The following LRRC4C variants were observed in gnomAD, a reference collection of about 807,000 sequenced individuals.
LRRC4C encodes leucine-rich repeat-containing protein 4C.
LRRC4C carries 5 observed loss-of-function variants against 33.6 expected under a neutral mutation model. The observed-to-expected ratio is 0.15, with a 90% CI of 0.08 to 0.31. The LOEUF (loss-of-function observed/expected upper bound fraction) is 0.31. LRRC4C is among the 10% of genes least tolerant of loss of function. The pLI, the probability that LRRC4C is intolerant of heterozygous loss-of-function variation, is 1.00. For missense variants in LRRC4C, 560 were observed against 796.7 expected (o/e 0.70, Z 3.58); for synonymous variants, 329 against 302.0 (o/e 1.09, Z -0.93).
intron 1 of LRRC4C, among the ~76,000 whole-genome samples, chr11:41,314,474 G>A (rs943731138): frequency 6.6e-6 from 1 of 152,124 alleles, no homozygotes; most frequent in Admixed American, 6.6e-5. Context: ...TAATAATAAT[G>A]CTTTTTGGTA....
intron 2 of LRRC4C, among the ~76,000 whole-genome samples, chr11:40,700,187 A>G (rs1312213136): frequency 6.6e-6 from 1 of 152,126 alleles, no homozygotes; most frequent in Non-Finnish European, 1.5e-5. Context: ...ATTAATCCTC[A>G]AGGAATCCCT....
intron 6 of LRRC4C, among the ~76,000 whole-genome samples, chr11:40,139,939 G>C (rs1857249593): frequency 6.6e-6 from 1 of 152,074 alleles, no homozygotes; most frequent in Non-Finnish European, 1.5e-5. Context: ...GTATTAATTT[G>C]GCTGCAGGAA....
intron 2 of LRRC4C, among the ~76,000 whole-genome samples, chr11:40,872,427 A>G (rs1954697661): frequency 6.6e-6 from 1 of 152,046 alleles, no homozygotes; most frequent in Non-Finnish European, 1.5e-5. Context: ...AAAATAATTC[A>G]CTTATGGCAA....
chr11:40,709,069 C>T (rs921823331), intron 2 of LRRC4C, among the ~76,000 whole-genome samples: 6 of 152,046 alleles, frequency 3.9e-5, no homozygotes, highest in African/African-American at 1.4e-4. Context: ...AGATTTTACT[C>T]TATCCCTTTA....
At chr11:40,912,851 G>A (rs1395664332) in intron 2 of LRRC4C, among the ~76,000 whole-genome samples, 1 of 152,056 alleles carries the variant, frequency 6.6e-6, no homozygotes, top group East Asian at 1.9e-4. Flanking sequence ...GATGGAGGAA[G>A]ATCTACCAAG....
chr11:41,209,898 G>A (rs183834559), intron 1 of LRRC4C, among the ~76,000 whole-genome samples: 79 of 152,234 alleles, frequency 5.2e-4, no homozygotes, highest in Middle Eastern at 3.4e-3. Context: ...AAGGTTAAAA[G>A]TTGTCTTAAG....
At position 40,287,252 on chromosome 11, in the gene LRRC4C, C is replaced by CTGTGTGTG. The variant is rs1466533399; in HGVS notation, c.-176+32375_-176+32376insCACACACA. ...AACATAAGGAAGCAACTTAATGTCA[C>CTGTGTGTG]TGTATGTGTGTGTGTGTGTGTGTGT... is the stretch of plus-strand genomic sequence containing the variant. On this transcript the variant is annotated intron_variant, in intron 4 of 6. Coordinates refer to ENST00000528697, the MANE Select transcript of LRRC4C (RefSeq NM_001258419.2). Among the ~76,000 whole-genome samples the CTGTGTGTG allele has an allele frequency of 2.9e-5, 3 of 103,532 alleles. No individual in the cohort carries two copies. The South Asian group carries it at 1.1e-3, about 40-fold the overall frequency. 67.9% of individuals were successfully genotyped at this position (103,532 alleles called of 152,430 possible). A position where few individuals can be genotyped will look rare whatever the true frequency, so the allele number is the denominator to read the frequency against.
At chr11:41,082,427 C>CT (rs537908452) in intron 1 of LRRC4C, among the ~76,000 whole-genome samples, 2,034 of 114,884 alleles carry the variant, frequency 0.018, 54 homozygotes, top group African/African-American at 0.045. Context: ...AAATCTCACG[C>CT]TTTTTTTTTT....
intron 3 of LRRC4C, among the ~76,000 whole-genome samples, chr11:40,622,823 G>A (rs574704255): frequency 1.1e-4 from 17 of 151,824 alleles, no homozygotes; most frequent in African/African-American, 3.9e-4. Flanking sequence ...AATGTGCTTA[G>A]CATAGTACAT....
intron 1 of LRRC4C, among the ~76,000 whole-genome samples, chr11:41,439,961 G>C (rs1955560906): frequency 6.6e-6 from 1 of 152,166 alleles, no homozygotes; most frequent in African/African-American, 2.4e-5. Context: ...TGTTTACTCT[G>C]TTATTTCTTT....
intron 4 of LRRC4C, chr11:40,293,602 G>GA (rs569065086): frequency 6.7e-6 from 1 of 148,438 alleles, no homozygotes; most frequent in Non-Finnish European, 1.5e-5. Context: ...AAACACACAC[G>GA]AAAAAAGAAA....
At chr11:40,257,558 T>C (rs1867310849) in intron 4 of LRRC4C, among the ~76,000 whole-genome samples, 1 of 152,196 alleles carries the variant, frequency 6.6e-6, no homozygotes, top group Non-Finnish European at 1.5e-5. Flanking sequence ...AGAGTCATCT[T>C]GACTCGCCTA....
chr11:40,573,598 AT>A (rs1958067593), intron 3 of LRRC4C, among the ~76,000 whole-genome samples: 1 of 152,140 alleles, frequency 6.6e-6, no homozygotes, highest in Non-Finnish European at 1.5e-5. Flanking sequence ...CCCTCTTCTG[AT>A]TTCCTAAAAC....
intron 1 of LRRC4C, among the ~76,000 whole-genome samples, chr11:41,281,045 TCTC>T (rs1949648934): frequency 2.5e-5 from 3 of 119,290 alleles, no homozygotes; most frequent in African/African-American, 1.1e-4. Flanking sequence ...ACATATTTTC[TCTC>T]TCTCTCTCTC....
intron 1 of LRRC4C, among the ~76,000 whole-genome samples, chr11:41,094,510 C>A (rs568492220): frequency 6.6e-6 from 1 of 152,042 alleles, no homozygotes; most frequent in East Asian, 1.9e-4. Context: ...GACAACACAG[C>A]GAGACTCTGT....
intron 2 of LRRC4C, among the ~76,000 whole-genome samples, chr11:40,818,443 T>C (rs942902591): frequency 2.0e-5 from 3 of 152,144 alleles, no homozygotes; most frequent in African/African-American, 7.2e-5. Flanking sequence ...AAATAAGCTC[T>C]GGTTTATAAA....
chr11:40,239,355 CCTCGT>C (rs1752912169), intron 5 of LRRC4C, among the ~76,000 whole-genome samples: 1 of 152,070 alleles, frequency 6.6e-6, no homozygotes, highest in Non-Finnish European at 1.5e-5. Context: ...CCTCAGAGTG[CCTCGT>C]CCACTACTTT....
intron 1 of LRRC4C, among the ~76,000 whole-genome samples, chr11:41,145,461 T>C (rs1943687905): frequency 6.6e-6 from 1 of 152,238 alleles, no homozygotes; most frequent in South Asian, 2.1e-4. Flanking sequence ...GCTGCCTGTT[T>C]TTATAAATAA....
chr11:40,563,329 A>G (rs1462099173), intron 3 of LRRC4C, among the ~76,000 whole-genome samples: 4 of 152,146 alleles, frequency 2.6e-5, no homozygotes. Context: ...CTCATTGCTA[A>G]TGATTACACT....
Sources: allele counts gnomAD v4.1 joint callset (sites outside exome capture counted in the v4.1 genomes callset), GRCh38; gene constraint gnomAD v4.1.1; transcripts MANE v1.5; gene names NCBI Gene and HGNC (gene_info 2026-07-23, HGNC 2026-07-21).